Variants in MACROD2 observed in about 807,000 individuals in gnomAD.
The protein encoded by MACROD2 is ADP-ribose glycohydrolase MACROD2.
MACROD2 carries 36 observed loss-of-function variants against 70.4 expected under a neutral mutation model. The ratio of observed to expected loss-of-function variants is 0.51; its 90% CI spans 0.39 to 0.68. The LOEUF is 0.68. MACROD2 is among the 30% of genes least tolerant of loss of function. The pLI is 0.00. For missense variants in MACROD2, 496 were observed against 538.4 expected, an observed-to-expected ratio of 0.92 and a Z score of 0.78; for synonymous variants, 172 against 178.8, an observed-to-expected ratio of 0.96 and a Z score of 0.30.
At chr20:15,271,236 A>G (rs943178670) in intron 6 of MACROD2, among the ~76,000 whole-genome samples, 3 of 152,192 alleles carry the variant, frequency 2.0e-5, no homozygotes, top group African/African-American at 7.2e-5. Context: ...TCCCTTGTTC[A>G]TAGAAAGCAT....
rs147900989 is a variant in MACROD2 at position 14,678,801 on chromosome 20, G to C, written c.302-6042G>C. On this transcript the variant is annotated intron_variant, in intron 4 of 17. Coordinates refer to ENST00000684519, the MANE Select transcript of MACROD2 (RefSeq NM_001351661.2). Reference sequence around the variant, plus strand: ...GAACTAGACCTGAGTGGAGAAGGGGGTGAACTTTCAGATTCAATGAATTAT... The same window carrying C: ...GAACTAGACCTGAGTGGAGAAGGGGCTGAACTTTCAGATTCAATGAATTAT... 7.8e-3 allele frequency among the ~76,000 whole-genome samples: 1,189 copies of C among 152,230 alleles called. 17 individuals carry two copies. Among genetic ancestry groups the C allele is most frequent in the African/African-American group, 0.027 (1,117 of 41,534 alleles).
intron 5 of MACROD2, among the ~76,000 whole-genome samples, chr20:15,206,055 A>G (rs2076698871): frequency 6.6e-6 from 1 of 152,110 alleles, no homozygotes; most frequent in South Asian, 2.1e-4. Flanking sequence ...ATGAGAAGGT[A>G]CCCCTTTGCC....
At chr20:15,869,410 C>G (rs1159122845) in intron 9 of MACROD2, among the ~76,000 whole-genome samples, 2 of 150,366 alleles carry the variant, frequency 1.3e-5, no homozygotes, top group Non-Finnish European at 3.0e-5. Flanking sequence ...AATTTTAAAA[C>G]TATATTTAAA....
At chr20:14,170,731 G>C (rs1428988404) in intron 3 of MACROD2, among the ~76,000 whole-genome samples, 1 of 152,148 alleles carries the variant, frequency 6.6e-6, no homozygotes, top group Non-Finnish European at 1.5e-5. Flanking sequence ...CTGATATGCT[G>C]TTGAAGTTGG....
chr20:15,759,030 C>T (rs1408939366), intron 8 of MACROD2, among the ~76,000 whole-genome samples: 1 of 151,340 alleles, frequency 6.6e-6, no homozygotes, highest in Non-Finnish European at 1.5e-5. Flanking sequence ...GGCCTATAAT[C>T]CCAGCTACTC....
intron 5 of MACROD2, among the ~76,000 whole-genome samples, chr20:14,829,345 T>C (rs2072938269): frequency 6.6e-6 from 1 of 151,758 alleles, no homozygotes; most frequent in South Asian, 2.1e-4. Context: ...TTAGCCAGGA[T>C]GGTCTCAATC....
At chr20:15,872,901 C>T (rs190052828) in intron 9 of MACROD2, among the ~76,000 whole-genome samples, 1 of 152,090 alleles carries the variant, frequency 6.6e-6, no homozygotes, top group South Asian at 2.1e-4. Flanking sequence ...TGCTATATGT[C>T]ATTTAACATA....
chr20:14,830,535 G>A (rs1784968618), intron 5 of MACROD2, among the ~76,000 whole-genome samples: 1 of 152,040 alleles, frequency 6.6e-6, no homozygotes, highest in African/African-American at 2.4e-5. Context: ...TTCTCAAACT[G>A]GAAGAAATAT....
chr20:14,887,557 A>G (rs2073695380), intron 5 of MACROD2, among the ~76,000 whole-genome samples: 1 of 151,400 alleles, frequency 6.6e-6, no homozygotes, highest in Non-Finnish European at 1.5e-5. Flanking sequence ...TAATTCTTGT[A>G]TTTTATTTTT....
intron 7 of MACROD2, among the ~76,000 whole-genome samples, chr20:15,432,435 C>T (rs1453554663): frequency 6.6e-6 from 1 of 151,970 alleles, no homozygotes; most frequent in East Asian, 1.9e-4. Context: ...CTCCAGATTC[C>T]CCTACAGCCT....
intron 7 of MACROD2, among the ~76,000 whole-genome samples, chr20:15,438,065 G>A (rs1482851832): frequency 6.6e-6 from 1 of 151,928 alleles, no homozygotes; most frequent in Non-Finnish European, 1.5e-5. Context: ...TGAAGCAGGA[G>A]GATTGCTGGA....
At chr20:15,094,098 C>G (rs1161550941) in intron 5 of MACROD2, among the ~76,000 whole-genome samples, 1 of 152,164 alleles carries the variant, frequency 6.6e-6, no homozygotes, top group African/African-American at 2.4e-5. Flanking sequence ...ATTCTTGATG[C>G]AGACACAGCC....
intron 5 of MACROD2, among the ~76,000 whole-genome samples, chr20:15,163,643 A>T (rs1434371569): frequency 6.6e-6 from 1 of 152,054 alleles, no homozygotes; most frequent in Non-Finnish European, 1.5e-5. Flanking sequence ...TGGCTGACAG[A>T]CCTAATCCAG....
chr20:15,103,120 C>T (rs2075885620), intron 5 of MACROD2, among the ~76,000 whole-genome samples: 1 of 152,028 alleles, frequency 6.6e-6, no homozygotes. Flanking sequence ...ACACAGATCT[C>T]AATTTATGTT....
At chr20:15,324,705 CT>C (rs2077909165) in intron 6 of MACROD2, among the ~76,000 whole-genome samples, 1 of 152,100 alleles carries the variant, frequency 6.6e-6, no homozygotes, top group Non-Finnish European at 1.5e-5. Flanking sequence ...CGAAGGAGGT[CT>C]TTTTTGTCCT....
chr20:15,398,249 G>C (rs1359696483), intron 6 of MACROD2, among the ~76,000 whole-genome samples: 2 of 152,102 alleles, frequency 1.3e-5, no homozygotes, highest in Non-Finnish European at 2.9e-5. Context: ...AGAATTTTGG[G>C]GGAGGTTGTT....
chr20:14,949,134 T>C (rs996806775), intron 5 of MACROD2, among the ~76,000 whole-genome samples: 1 of 152,182 alleles, frequency 6.6e-6, no homozygotes, highest in Non-Finnish European at 1.5e-5. Flanking sequence ...ATTTGGCTTT[T>C]CTCTGCCCCC....
chr20:14,733,441 T>A (rs1414796823), intron 5 of MACROD2, among the ~76,000 whole-genome samples: 1 of 152,190 alleles, frequency 6.6e-6, no homozygotes, highest in East Asian at 1.9e-4. Context: ...ACATTTATGT[T>A]GGTTAATTGT....
chr20:14,639,684 A>G (rs1245120454), intron 4 of MACROD2, among the ~76,000 whole-genome samples: 1 of 152,176 alleles, frequency 6.6e-6, no homozygotes, highest in African/African-American at 2.4e-5. Context: ...CTTGCAGTTC[A>G]CAGTCCTTTA....
Sources: gnomAD v4.1 joint callset for allele counts (sites outside exome capture counted in the v4.1 genomes callset) on GRCh38, gnomAD v4.1.1 for gene constraint, MANE v1.5 for transcripts, NCBI Gene and HGNC (gene_info 2026-07-23, HGNC 2026-07-21) for gene names.